RIPK1: variants seen among roughly 807,000 people sequenced by gnomAD.
RIPK1 encodes the protein receptor interacting serine/threonine kinase 1.
Under a neutral mutation model 62.4 loss-of-function variants are expected in RIPK1, and 27 were observed. That is an observed-to-expected ratio of 0.43 (90% CI 0.32 to 0.60). The LOEUF is 0.60. RIPK1 is among the 20% of genes least tolerant of loss of function. The probability of loss-of-function intolerance (pLI) is 0.07; values close to 1 mark genes in which losing one functional copy is unlikely to be tolerated. For missense variants in RIPK1, 735 were observed against 831.0 expected, an observed-to-expected ratio of 0.88 and a Z score of 1.42; for synonymous variants, 287 against 303.2, an observed-to-expected ratio of 0.95 and a Z score of 0.55.
At chr6:3,064,243 C>T (rs1387755381), upstream of RIPK1, among the ~76,000 whole-genome samples, 1 of 151,994 alleles carries the variant, frequency 6.6e-6, no homozygotes, top group Admixed American at 6.6e-5. Flanking sequence ...AGCGCGCAGC[C>T]GGTTTCCGCC....
chr6:3,110,037 G>C (rs1434828588), intron 9 of RIPK1, among the ~76,000 whole-genome samples: 1 of 152,148 alleles, frequency 6.6e-6, no homozygotes, highest in African/African-American at 2.4e-5. Context: ...CTGCTCATGG[G>C]TGCCTGGCTT....
At chr6:3,096,848 C>G (rs957053447) in intron 7 of RIPK1, among the ~76,000 whole-genome samples, 10 of 151,422 alleles carry the variant, frequency 6.6e-5, no homozygotes, top group Non-Finnish European at 1.5e-4. Context: ...TGTGAGGCAC[C>G]GTGCCCAGCC....
rs1758809381 is a variant in RIPK1 at position 3,072,911 on chromosome 6, C to A, written c.-60-3853C>A. 6.6e-6 allele frequency among the ~76,000 whole-genome samples: 1 copy of A among 152,134 alleles called. No homozygotes were observed. The highest frequency in any genetic ancestry group is 6.5e-5 in the Admixed American group (1 of 15,280). On this transcript the variant is annotated intron_variant, in intron 1 of 10. Transcript: ENST00000259808. This position sits in a 1 kb window ranked among gnomAD's most constrained non-coding sequence, Gnocchi z 5.6. ...ATGTTATCTTTTATGCCCTCTGTCTCCACCCGCTCCTACCTCATTCTCACT... is the reference window on the plus strand; with the variant it reads ...ATGTTATCTTTTATGCCCTCTGTCTACACCCGCTCCTACCTCATTCTCACT...
chr6:3,081,071 C>T lies in RIPK1; in HGVS notation c.414C>T (p.Asp138=). The change falls in exon 4 of 11, where the codon GAC becomes GAT. Residue 138 remains aspartate (D), a synonymous_variant. Transcript: ENST00000259808. ...YLHGKGVIHK[D]LKPENILVDN... ...ATGGAAAAGGCGTGATACACAAGGACCTGAAGCCTGAAAATATCCTTGTTG... is the reference window on the plus strand; with the variant it reads ...ATGGAAAAGGCGTGATACACAAGGATCTGAAGCCTGAAAATATCCTTGTTG... 1 of 1,614,136 alleles carries T rather than the reference C, an allele frequency of 6.2e-7. No homozygotes were observed. Among genetic ancestry groups the T allele is most frequent in the South Asian group, 1.1e-5 (1 of 91,090 alleles).
chr6:3,081,494 TCTC>T (rs1207011103), intron 4 of RIPK1, among the ~76,000 whole-genome samples: 2 of 152,172 alleles, frequency 1.3e-5, no homozygotes, highest in African/African-American at 2.4e-5. Flanking sequence ...TCACCAAGAC[TCTC>T]CTCCTCTGGA....
chr6:3,070,009 CA>C (rs1017339642), intron 1 of RIPK1, among the ~76,000 whole-genome samples: 27 of 145,982 alleles, frequency 1.8e-4, no homozygotes, highest in Admixed American at 2.0e-4. Flanking sequence ...GACTCTGTAT[CA>C]AAAAAAAAAA....
chr6:3,064,975 G>C (rs1372499997), upstream of RIPK1, among the ~76,000 whole-genome samples: 2 of 152,100 alleles, frequency 1.3e-5, no homozygotes, highest in East Asian at 3.9e-4. Flanking sequence ...GGGTGCGGTG[G>C]CTCACGCCTG....
intron 3 of RIPK1, among the ~76,000 whole-genome samples, chr6:3,079,348 G>T (rs1040779671): frequency 6.6e-6 from 1 of 152,168 alleles, no homozygotes; most frequent in African/African-American, 2.4e-5. Context: ...GAAGTTCTGG[G>T]ATTACAGGCA....
chr6:3,079,004 C>T (rs1335673061), intron 3 of RIPK1, among the ~76,000 whole-genome samples: 3 of 152,026 alleles, frequency 2.0e-5, no homozygotes, highest in Non-Finnish European at 4.4e-5. Context: ...GCTTGAACTC[C>T]TGGCCTTAAA....
At chr6:3,087,947 T>C (rs1317163716) in intron 6 of RIPK1, among the ~76,000 whole-genome samples, 2 of 152,274 alleles carry the variant, frequency 1.3e-5, no homozygotes, top group African/African-American at 4.8e-5. Context: ...AGCAGGTTCA[T>C]AACTATTAAT....
In RIPK1 at chr6:3,103,869, C is replaced by T. The variant is rs17548538; in HGVS notation, c.916-356C>T. On this transcript the variant is annotated intron_variant, in intron 7 of 10. Transcript: ENST00000259808. ...ATGTGTATATTCAGTTTTCCCCCAT[C>T]GAATGCTCTTGGCAACCTTGTCAAA... Among the ~76,000 whole-genome samples the T allele has an allele frequency of 2.4e-3, 369 of 152,264 alleles. 1 individual carries two copies. Among genetic ancestry groups the T allele is most frequent in the African/African-American group, 8.7e-3 (362 of 41,548 alleles).
At chr6:3,107,087 C>T (rs191013525) in intron 9 of RIPK1, among the ~76,000 whole-genome samples, 258 of 151,828 alleles carry the variant, frequency 1.7e-3, no homozygotes, top group African/African-American at 6.0e-3. Flanking sequence ...CCTGTCTCTA[C>T]TAAATAATAC....
chr6:3,065,537 G>T (rs1330622342), upstream of RIPK1, among the ~76,000 whole-genome samples: 1 of 151,978 alleles, frequency 6.6e-6, no homozygotes, highest in Admixed American at 6.6e-5. Flanking sequence ...AGATGGGTGT[G>T]GGGGAGGAGG....
chr6:3,076,108 T>C (rs547583625), intron 1 of RIPK1, among the ~76,000 whole-genome samples: 13 of 152,296 alleles, frequency 8.5e-5, no homozygotes, highest in Admixed American at 6.5e-4. Flanking sequence ...CCTAGAGTTC[T>C]TTTCCTTTCC....
intron 7 of RIPK1, among the ~76,000 whole-genome samples, chr6:3,099,066 T>C (rs1365084664): frequency 6.6e-6 from 1 of 152,230 alleles, no homozygotes; most frequent in Non-Finnish European, 1.5e-5. Context: ...GGCCCATCAC[T>C]GTGTCTACCA....
At chr6:3,104,992 C>G (rs1413404413) in intron 8 of RIPK1, among the ~76,000 whole-genome samples, 3 of 152,272 alleles carry the variant, frequency 2.0e-5, no homozygotes, top group East Asian at 3.9e-4. Flanking sequence ...GCAGGGATTA[C>G]AGGCATGCAC....
At chr6:3,099,889 T>C (rs1439504921) in intron 7 of RIPK1, among the ~76,000 whole-genome samples, 1 of 152,244 alleles carries the variant, frequency 6.6e-6, no homozygotes, top group Non-Finnish European at 1.5e-5. Context: ...CACTCAAAGA[T>C]GTAGTTTCCA....
chr6:3,081,906 TCAG>T (rs1189169683), intron 4 of RIPK1, among the ~76,000 whole-genome samples: 2 of 98,166 alleles, frequency 2.0e-5, no homozygotes, highest in Non-Finnish European at 2.0e-5. Flanking sequence ...AAAAAAAAAA[TCAG>T]CAGTGCATCA....
chr6:3,065,414 C>G (rs1283272295), upstream of RIPK1, among the ~76,000 whole-genome samples: 3 of 151,778 alleles, frequency 2.0e-5, no homozygotes, highest in South Asian at 2.1e-4. Context: ...TGAGGTGTCC[C>G]GACAGTGGGG....
Sources: gnomAD v4.1 joint callset for allele counts (sites outside exome capture counted in the v4.1 genomes callset) on GRCh38, gnomAD v4.1.1 for gene constraint, Gnocchi (gnomAD v3.1) non-coding constraint, MANE v1.5 for transcripts, NCBI Gene and HGNC (gene_info 2026-07-23, HGNC 2026-07-21) for gene names.